NPC2: variants seen among roughly 807,000 people sequenced by gnomAD.
The protein encoded by NPC2 is Niemann-Pick disease type C2 protein.
Under a neutral mutation model 17.0 loss-of-function variants are expected in NPC2, and 14 were observed. The ratio of observed to expected loss-of-function variants is 0.82; its 90% CI spans 0.54 to 1.29. The LOEUF (loss-of-function observed/expected upper bound fraction) is 1.29. Ranked by LOEUF, NPC2 falls within the 50% of genes most tolerant of loss-of-function variation. The probability of loss-of-function intolerance (pLI) is 0.00; values close to 1 mark genes in which losing one functional copy is unlikely to be tolerated. For missense variants in NPC2, 167 were observed against 183.4 expected, an observed-to-expected ratio of 0.91 and a Z score of 0.52; for synonymous variants, 75 against 69.3, an observed-to-expected ratio of 1.08 and a Z score of -0.41.
chr14:74,484,755 CAAAAAA>C (rs71115996), intron 2 of NPC2, among the ~76,000 whole-genome samples, 168 bp from the exon 3 acceptor site: 20 of 85,236 alleles, frequency 2.3e-4, no homozygotes, highest in South Asian at 2.3e-3. Context: ...CACAATTATG[CAAAAAA>C]AAAAAAAAAA....
chr14:74,486,669 G>A (rs1433244090), intron 1 of NPC2, among the ~76,000 whole-genome samples: 2 of 152,032 alleles, frequency 1.3e-5, no homozygotes, highest in Non-Finnish European at 2.9e-5. Flanking sequence ...GAAGCTAGTT[G>A]GTTTTTTGAT....
intron 4 of NPC2, 81 bp downstream of exon 4, chr14:74,480,621 T>C (rs1342623216): frequency 4.3e-6 from 5 of 1,150,248 alleles, no homozygotes; most frequent in African/African-American, 1.5e-5. Flanking sequence ...TTTTATCTTA[T>C]GGCACTGATT....
At chr14:74,493,320 C>G, upstream of NPC2, 5 of 1,593,610 alleles carry the variant, frequency 3.1e-6, no homozygotes, top group South Asian at 2.3e-5. The surrounding 1 kb of genome is among the most constrained non-coding windows in gnomAD (Gnocchi z 4.1). Flanking sequence ...AGCGGCCGCC[C>G]GCGGTCACAA....
At chr14:74,490,008 G>A (rs2086754751) in intron 1 of NPC2, among the ~76,000 whole-genome samples, 1 of 152,196 alleles carries the variant, frequency 6.6e-6, no homozygotes, top group Non-Finnish European at 1.5e-5. Context: ...CTCCTGGGTA[G>A]GTTAGCAAGT....
chr14:74,482,204 GCCCTTA>G (rs1287811021), intron 3 of NPC2, among the ~76,000 whole-genome samples: 1 of 152,158 alleles, frequency 6.6e-6, no homozygotes, highest in Non-Finnish European at 1.5e-5. Flanking sequence ...GTCTCCAACA[GCCCTTA>G]AGCACAGACA....
rs150211005 is a variant in NPC2 at position 74,493,254 on chromosome 14, T to C, written c.21A>G (p.Thr7=). 30 of 1,613,342 alleles carry C rather than the reference T, an allele frequency of 1.9e-5. No homozygotes were observed. The highest frequency in any genetic ancestry group is 2.5e-5 in the Non-Finnish European group (30 of 1,179,722). Residue 7 remains threonine (T), a synonymous_variant, in exon 1 of 5, where the codon ACA becomes ACG. Coordinates refer to ENST00000555619, the MANE Select transcript of NPC2 (RefSeq NM_006432.5). The surrounding 1 kb of genome is among the most constrained non-coding windows in gnomAD (Gnocchi z 4.1). ...CGGTGCTGAGCGCCAGGAGCAGGAA[T>C]GTAGCTGCCAGGAAACGCATCGCGG... MRFLAA[T]FLLLALSTAA... is the part of the protein sequence containing the mutation.
chr14:74,480,447 A>G, intron 4 of NPC2, 159 bp from the exon 5 acceptor site: 1 of 788,406 alleles, frequency 1.3e-6, no homozygotes, highest in Non-Finnish European at 2.3e-6. Context: ...AAACCAATGA[A>G]GACAGTTAAA....
At chr14:74,485,455 G>A (rs948271102) in intron 2 of NPC2, among the ~76,000 whole-genome samples, 10 of 151,982 alleles carry the variant, frequency 6.6e-5, no homozygotes, top group Non-Finnish European at 1.2e-4. Context: ...GGGTATTTTG[G>A]AGACCCAGAA....
intron 3 of NPC2, among the ~76,000 whole-genome samples, chr14:74,482,769 T>C (rs552000415): frequency 3.5e-4 from 53 of 152,224 alleles, no homozygotes; most frequent in African/African-American, 1.3e-3. Context: ...TCTTCAGCTG[T>C]AAAATAGAGA....
chr14:74,493,342 C>A (rs578161135), upstream of NPC2: 796 of 1,574,532 alleles, frequency 5.1e-4, 3 homozygotes, highest in African/African-American at 9.4e-3. The surrounding 1 kb of genome is among the most constrained non-coding windows in gnomAD (Gnocchi z 4.1). Context: ...ACAAACCTGT[C>A]GGGGCGGGCC....
intron 3 of NPC2, among the ~76,000 whole-genome samples, chr14:74,483,671 T>A (rs1403172562): frequency 6.6e-6 from 1 of 152,150 alleles, no homozygotes; most frequent in African/African-American, 2.4e-5. Flanking sequence ...TTGTATAAGT[T>A]CCCTGGAGAA....
intron 2 of NPC2, among the ~76,000 whole-genome samples, chr14:74,485,410 T>TA (rs1186491993): frequency 1.3e-5 from 2 of 151,236 alleles, no homozygotes; most frequent in East Asian, 3.9e-4. Flanking sequence ...ATAAAGGTAT[T>TA]AAAAAATGAG....
chr14:74,484,604 GA>G lies in NPC2; in HGVS notation c.191-18del. On this transcript the variant is annotated intron_variant, in intron 2 of 4. Coordinates refer to ENST00000555619, the MANE Select transcript of NPC2 (RefSeq NM_006432.5). The stretch of plus-strand genomic sequence containing the variant: ...ACTGAATATCTAAGAGAAAAAAAGA[GA>G]ATCAGATGGCAAAGAAAATAACCTA... 6.2e-7 allele frequency: 1 copy of G among 1,613,742 alleles called. No homozygotes were observed. The highest frequency in any genetic ancestry group is 8.5e-7 in the Non-Finnish European group (1 of 1,179,830).
At position 74,493,120 on chromosome 14, in the gene NPC2, G is replaced by A; in HGVS notation, c.82+73C>T. 6.5e-7 allele frequency: 1 copy of A among 1,535,062 alleles called. No individual in the cohort carries two copies. Among genetic ancestry groups the A allele is most frequent in the East Asian group, 2.4e-5 (1 of 41,622 alleles). ...GAGGGATCCGCCCAGCCCAGCCCCAGGGGTCTCAGCGCGGGGGTCCGGCGG... is the reference window on the plus strand; with the variant it reads ...GAGGGATCCGCCCAGCCCAGCCCCAAGGGTCTCAGCGCGGGGGTCCGGCGG... On this transcript the variant is annotated intron_variant, in intron 1 of 4. Transcript: ENST00000555619. This position sits in a 1 kb window ranked among gnomAD's most constrained non-coding sequence, Gnocchi z 4.1.
intron 3 of NPC2, among the ~76,000 whole-genome samples, chr14:74,483,608 A>T (rs1421554350): frequency 6.6e-6 from 1 of 152,240 alleles, no homozygotes; most frequent in African/African-American, 2.4e-5. Flanking sequence ...ATAAATTTGA[A>T]GAGGCTTCTC....
At chr14:74,484,687 G>A in intron 2 of NPC2, 100 bp from the exon 3 acceptor site, 1 of 1,136,742 alleles carries the variant, frequency 8.8e-7, no homozygotes, top group Non-Finnish European at 1.2e-6. Flanking sequence ...CATTCCTAGG[G>A]TCTATTTCTC....
chr14:74,486,574 AATCT>A, intron 1 of NPC2, 138 bp from the exon 2 acceptor site: 2 of 705,166 alleles, frequency 2.8e-6, no homozygotes, highest in Non-Finnish European at 5.1e-6. Flanking sequence ...CCCAGGATGG[AATCT>A]TTAAGAATAA....
intron 1 of NPC2, 141 bp from the exon 2 acceptor site, chr14:74,486,577 C>G (rs922932493): frequency 2.8e-6 from 2 of 705,680 alleles, no homozygotes; most frequent in Non-Finnish European, 5.1e-6. Context: ...AGGATGGAAT[C>G]TTTAAGAATA....
chr14:74,487,264 G>GT (rs1491518755), intron 1 of NPC2, among the ~76,000 whole-genome samples: 19 of 142,978 alleles, frequency 1.3e-4, no homozygotes, highest in East Asian at 1.2e-3. Context: ...TGTTTTTGTG[G>GT]TTTTTTTTTG....
Sources: gnomAD v4.1 joint callset for allele counts (sites outside exome capture counted in the v4.1 genomes callset) on GRCh38, gnomAD v4.1.1 for gene constraint, Gnocchi (gnomAD v3.1) non-coding constraint, MANE v1.5 for transcripts, NCBI Gene and HGNC (gene_info 2026-07-23, HGNC 2026-07-21) for gene names.